CFAP299: variants seen among roughly 807,000 people sequenced by gnomAD.
CFAP299 encodes cilia and flagella associated protein 299, also known as cilia- and flagella-associated protein 299.
In CFAP299, 21 loss-of-function variants were observed where a neutral mutation model predicts 27.0. The ratio of observed to expected loss-of-function variants is 0.78; its 90% CI spans 0.55 to 1.12. The LOEUF (loss-of-function observed/expected upper bound fraction) is 1.12, where lower values mean the gene tolerates loss of function less well. CFAP299 is among the 50% of genes most tolerant of loss of function. The probability of loss-of-function intolerance (pLI) is 0.00; values close to 1 mark genes in which losing one functional copy is unlikely to be tolerated. For missense variants in CFAP299, 310 were observed against 276.6 expected (o/e 1.12, Z -0.86); for synonymous variants, 104 against 98.1 (o/e 1.06, Z -0.36).
chr4:80,530,641 G>A (rs571006226), intron 2 of CFAP299, among the ~76,000 whole-genome samples: 1 of 152,276 alleles, frequency 6.6e-6, no homozygotes, highest in Admixed American at 6.5e-5. Flanking sequence ...AGACAAGAAG[G>A]AATCAGTCAA....
chr4:80,754,267 G>A (rs577340781), intron 3 of CFAP299, among the ~76,000 whole-genome samples: 1 of 152,240 alleles, frequency 6.6e-6, no homozygotes, highest in East Asian at 1.9e-4. Context: ...TAAAGGGTTT[G>A]TTTCAATATC....
chr4:80,585,088 G>A (rs184065051), intron 3 of CFAP299, among the ~76,000 whole-genome samples: 50 of 152,116 alleles, frequency 3.3e-4, no homozygotes, highest in East Asian at 9.7e-4. Context: ...AGGATAAAGC[G>A]GATGCCAGCA....
At chr4:80,875,193 T>C (rs1436582259) in intron 4 of CFAP299, among the ~76,000 whole-genome samples, 1 of 152,044 alleles carries the variant, frequency 6.6e-6, no homozygotes, top group African/African-American at 2.4e-5. Flanking sequence ...TAATCTTAGA[T>C]AGGTATGATG....
chr4:80,643,411 T>A (rs1002333021), intron 3 of CFAP299, among the ~76,000 whole-genome samples: 2 of 152,146 alleles, frequency 1.3e-5, no homozygotes, highest in African/African-American at 4.8e-5. Context: ...AGGAGTTTGC[T>A]ATAAAGGATT....
At chr4:80,428,598 C>G (rs930689047) in intron 2 of CFAP299, among the ~76,000 whole-genome samples, 4 of 151,998 alleles carry the variant, frequency 2.6e-5, no homozygotes, top group African/African-American at 9.7e-5. Flanking sequence ...GCTATCTTGG[C>G]TCACTGCAAC....
At chr4:80,398,591 A>T (rs1725952299) in intron 2 of CFAP299, among the ~76,000 whole-genome samples, 2 of 147,470 alleles carry the variant, frequency 1.4e-5, no homozygotes, top group Non-Finnish European at 3.0e-5. Flanking sequence ...CAATGGGGAA[A>T]GGATTCCCTA....
chr4:80,904,509 T>C (rs754281526), intron 4 of CFAP299, among the ~76,000 whole-genome samples: 2 of 152,182 alleles, frequency 1.3e-5, no homozygotes, highest in Admixed American at 6.5e-5. Flanking sequence ...GCAAAAGGAA[T>C]GTTCTTTTCC....
At chr4:80,450,929 A>G (rs1290326810) in intron 2 of CFAP299, among the ~76,000 whole-genome samples, 1 of 148,242 alleles carries the variant, frequency 6.7e-6, no homozygotes, top group Non-Finnish European at 1.5e-5. Context: ...GAGAGAGAGC[A>G]TTTGGGTGTG....
At chr4:80,735,494 G>C in intron 3 of CFAP299, among the ~76,000 whole-genome samples, 1 of 152,112 alleles carries the variant, frequency 6.6e-6, no homozygotes, top group East Asian at 1.9e-4. Flanking sequence ...AGTGGTAAAA[G>C]TGAGCATCCT....
At chr4:80,324,130 TC>T in the CFAP299 span, among the ~76,000 whole-genome samples, 1 of 152,110 alleles carries the variant, frequency 6.6e-6, no homozygotes, top group African/African-American at 2.4e-5. Flanking sequence ...ATGCTCTCAC[TC>T]CCCTTGCCCC....
rs191584030 is a variant in CFAP299 at position 80,670,027 on chromosome 4, T to A, written c.333+86844T>A. 3.3e-3 allele frequency among the ~76,000 whole-genome samples: 498 copies of A among 152,234 alleles called. 12 individuals carry two copies. Among genetic ancestry groups the A allele is most frequent in the Non-Finnish European group, 5.1e-4 (35 of 68,018 alleles). ...AATATACTTTAAGTTCTAGGGTACT[T>A]GTGCACAACGTGCAGGCTTGTTACA... On this transcript the variant is annotated intron_variant, in intron 3 of 5. Coordinates refer to ENST00000358105, the MANE Select transcript of CFAP299 (RefSeq NM_152770.3).
At chr4:80,388,361 G>T in intron 2 of CFAP299, 1 of 681,810 alleles carries the variant, frequency 1.5e-6, no homozygotes, top group Admixed American at 2.1e-5. Flanking sequence ...TGTGATGTAT[G>T]TAGAGATCTG....
At chr4:80,621,103 C>T (rs1221249716) in intron 3 of CFAP299, among the ~76,000 whole-genome samples, 1 of 152,012 alleles carries the variant, frequency 6.6e-6, no homozygotes, top group African/African-American at 2.4e-5. Context: ...TAGAATGCTT[C>T]CTTCCTTTAA....
chr4:80,703,502 G>T (rs995871816), intron 3 of CFAP299, among the ~76,000 whole-genome samples: 5 of 151,596 alleles, frequency 3.3e-5, no homozygotes, highest in Admixed American at 1.3e-4. Context: ...AAGACTAGGA[G>T]TTGGGACTCA....
At chr4:80,599,407 T>C (rs1737216654) in intron 3 of CFAP299, among the ~76,000 whole-genome samples, 1 of 152,188 alleles carries the variant, frequency 6.6e-6, no homozygotes, top group African/African-American at 2.4e-5. Flanking sequence ...TACAGTTATG[T>C]GCCTAACATT....
At chr4:80,960,598 A>G (rs2109869218) in intron 5 of CFAP299, among the ~76,000 whole-genome samples, 1 of 151,952 alleles carries the variant, frequency 6.6e-6, no homozygotes, top group Admixed American at 6.6e-5. Flanking sequence ...ATATACTACT[A>G]CAAAACCACT....
intron 3 of CFAP299, among the ~76,000 whole-genome samples, chr4:80,747,082 T>C (rs1416917336): frequency 6.6e-6 from 1 of 152,010 alleles, no homozygotes; most frequent in Non-Finnish European, 1.5e-5. Context: ...TGTTCTCCCT[T>C]CTGCTTTCTA....
At chr4:80,557,354 A>G (rs1291015612) in intron 2 of CFAP299, among the ~76,000 whole-genome samples, 1 of 152,084 alleles carries the variant, frequency 6.6e-6, no homozygotes, top group African/African-American at 2.4e-5. Context: ...TGTGTTGTTG[A>G]TGCTTCAACT....
chr4:80,558,905 G>C (rs902086140), intron 2 of CFAP299, among the ~76,000 whole-genome samples: 12 of 151,980 alleles, frequency 7.9e-5, no homozygotes, highest in Admixed American at 5.9e-4. Context: ...ACAAGAAACG[G>C]TATAATACAT....
Sources: gnomAD v4.1 joint callset for allele counts (sites outside exome capture counted in the v4.1 genomes callset) on GRCh38, gnomAD v4.1.1 for gene constraint, MANE v1.5 for transcripts, NCBI Gene and HGNC (gene_info 2026-07-23, HGNC 2026-07-21) for gene names.